AOX1: variants seen among roughly 807,000 people sequenced by gnomAD.
AOX1 encodes the protein aldehyde oxidase.
Under a neutral mutation model 169.5 loss-of-function variants are expected in AOX1, and 153 were observed. The ratio of observed to expected loss-of-function variants is 0.90; its 90% CI spans 0.79 to 1.03. The LOEUF is 1.03. Among genes scored for constraint, AOX1 ranks in the 50% least tolerant of loss-of-function variants. The pLI is 0.00. For missense variants in AOX1, 1,656 were observed against 1,663.9 expected (o/e 1.00, Z 0.08); for synonymous variants, 562 against 581.9 (o/e 0.97, Z 0.49).
intron 4 of AOX1, among the ~76,000 whole-genome samples, chr2:200,597,974 G>T (rs2034322369): frequency 6.6e-6 from 1 of 152,108 alleles, no homozygotes; most frequent in South Asian, 2.1e-4. Flanking sequence ...GGGTGTGGTG[G>T]TGAGCACCTA....
intron 17 of AOX1, 89 bp downstream of exon 17, chr2:200,620,908 G>A (rs559143920): frequency 6.9e-7 from 1 of 1,450,154 alleles, no homozygotes; most frequent in East Asian, 2.3e-5. Flanking sequence ...TGAAGAAATA[G>A]GCTATTTGTT....
intron 26 of AOX1, among the ~76,000 whole-genome samples, chr2:200,654,231 A>AAAAAAC (rs1377732857): frequency 2.1e-5 from 3 of 140,920 alleles, no homozygotes; most frequent in African/African-American, 2.6e-5. Context: ...AAAAAAAAAA[A>AAAAAAC]AACAGAAAAG....
At chr2:200,611,034 T>C (rs769165121) in intron 12 of AOX1, among the ~76,000 whole-genome samples, 1 of 152,038 alleles carries the variant, frequency 6.6e-6, no homozygotes, top group Admixed American at 6.6e-5. Context: ...TTTTGTATTT[T>C]TAGCAGAGAG....
At chr2:200,595,925 C>T (rs760356632) in intron 3 of AOX1, among the ~76,000 whole-genome samples, 2 of 152,186 alleles carry the variant, frequency 1.3e-5, no homozygotes, top group East Asian at 1.9e-4. Flanking sequence ...TTATAAGCCC[C>T]CAATGGCTTC....
At chr2:200,669,989 T>A (rs932050454) in intron 34 of AOX1, among the ~76,000 whole-genome samples, 1 of 152,048 alleles carries the variant, frequency 6.6e-6, no homozygotes, top group Non-Finnish European at 1.5e-5. Context: ...GAAAGTTCAT[T>A]CCCATTAGTT....
intron 10 of AOX1, among the ~76,000 whole-genome samples, chr2:200,605,994 T>A (rs1184821695): frequency 1.3e-5 from 2 of 152,256 alleles, no homozygotes; most frequent in African/African-American, 4.8e-5. Flanking sequence ...TTTAATTAGA[T>A]CCCATTTGTC....
chr2:200,668,871 T>C, intron 33 of AOX1, 68 bp downstream of exon 33: 1 of 1,384,020 alleles, frequency 7.2e-7, no homozygotes, highest in Non-Finnish European at 1.0e-6. Context: ...GAAGGCTACA[T>C]TCCTCTCTTG....
intron 32 of AOX1, among the ~76,000 whole-genome samples, chr2:200,667,302 C>T (rs536944848): frequency 1.4e-3 from 207 of 152,262 alleles, no homozygotes; most frequent in Non-Finnish European, 2.2e-3. Flanking sequence ...TGAGTGAAGT[C>T]GGTGGGCTGT....
In AOX1 at chr2:200,586,154, G is replaced by A; in HGVS notation, c.45+1G>A. The A allele has an allele frequency of 6.4e-7, 1 of 1,559,120 alleles. No individual in the cohort carries two copies. The highest frequency in any genetic ancestry group is 8.7e-7 in the Non-Finnish European group (1 of 1,152,694). On this transcript the variant is annotated splice_donor_variant, in intron 1 of 34. Transcript: ENST00000374700. LOFTEE classifies it high-confidence loss of function. Reference sequence around the variant, plus strand: ...GCTCTTCTACGTGAACGGCCGCAAGGTGAGCGCCCGCGGGCTTCCTCTGCC... The same window carrying A: ...GCTCTTCTACGTGAACGGCCGCAAGATGAGCGCCCGCGGGCTTCCTCTGCC...
chr2:200,586,992 A>G (rs1169522388), intron 1 of AOX1, among the ~76,000 whole-genome samples: 1 of 152,094 alleles, frequency 6.6e-6, no homozygotes, highest in Non-Finnish European at 1.5e-5. Flanking sequence ...AGCTCCCTTG[A>G]GAGCTGTGGC....
chr2:200,658,873 T>C (rs2035749049), intron 27 of AOX1, among the ~76,000 whole-genome samples: 1 of 152,226 alleles, frequency 6.6e-6, no homozygotes, highest in Non-Finnish European at 1.5e-5. Context: ...ATCATGATTA[T>C]AAAAACAAGA....
intron 27 of AOX1, among the ~76,000 whole-genome samples, chr2:200,657,659 A>C (rs2035721720): frequency 6.6e-6 from 1 of 152,178 alleles, no homozygotes; most frequent in South Asian, 2.1e-4. Context: ...GGCTCCGAAC[A>C]ATTGCTAATA....
At chr2:200,633,423 A>G (rs376216191) in intron 20 of AOX1, among the ~76,000 whole-genome samples, 6 of 150,812 alleles carry the variant, frequency 4.0e-5, no homozygotes, top group South Asian at 4.2e-4. Context: ...AGATTGGCCA[A>G]TTTCTATTGT....
chr2:200,660,112 G>C, intron 29 of AOX1, 43 bp downstream of exon 29: 1 of 1,497,780 alleles, frequency 6.7e-7, no homozygotes, highest in Non-Finnish European at 9.3e-7. Context: ...AGAAGAAAAA[G>C]GAGTGGGAGG....
At chr2:200,603,981 T>C in intron 7 of AOX1, 36 bp from the exon 8 acceptor site, 1 of 1,386,044 alleles carries the variant, frequency 7.2e-7, no homozygotes, top group Non-Finnish European at 1.0e-6. Context: ...TTAAAGTTGC[T>C]CGATAACAGT....
rs1369755143 is a variant in AOX1 at position 200,670,590 on chromosome 2, T to C, written c.3967-39T>C. 1.9e-6 allele frequency: 3 copies of C among 1,576,256 alleles called. No homozygotes were observed. In the South Asian group the frequency reaches 3.3e-5, roughly 17 times the overall value. ...CTATTTTTCACCTAAGTCACAAACA[T>C]TTCCCAGGTTTGAACATCCAGATTT... is the stretch of plus-strand genomic sequence containing the variant. On this transcript the variant is annotated intron_variant, in intron 34 of 34. Coordinates refer to ENST00000374700, the MANE Select transcript of AOX1 (RefSeq NM_001159.4).
At chr2:200,636,731 C>T (rs1286879061) in intron 21 of AOX1, among the ~76,000 whole-genome samples, 180 bp from the exon 22 acceptor site, 7 of 152,160 alleles carry the variant, frequency 4.6e-5, no homozygotes, top group Admixed American at 4.6e-4. Context: ...TTAGCATAAC[C>T]ACACAGTATG....
At chr2:200,620,605 T>C (rs1468872793) in intron 16 of AOX1, 45 bp from the exon 17 acceptor site, 4 of 1,423,120 alleles carry the variant, frequency 2.8e-6, no homozygotes, top group Non-Finnish European at 1.9e-6. Context: ...ATTCCTACTT[T>C]CTCTATAGAA....
intron 33 of AOX1, 111 bp from the exon 34 acceptor site, chr2:200,669,464 T>A (rs115037187): frequency 2.4e-5 from 29 of 1,190,500 alleles, no homozygotes; most frequent in African/African-American, 3.1e-5. Flanking sequence ...AAAAAAAAAA[T>A]GTACATATGT....
Sources: gnomAD v4.1 joint callset for allele counts (sites outside exome capture counted in the v4.1 genomes callset) on GRCh38, gnomAD v4.1.1 for gene constraint, MANE v1.5 for transcripts, NCBI Gene and HGNC (gene_info 2026-07-23, HGNC 2026-07-21) for gene names.